The following KMT2C variants were observed in gnomAD, a reference collection of about 807,000 sequenced individuals.
The protein encoded by KMT2C is lysine methyltransferase 2C.
KMT2C carries 88 observed loss-of-function variants against 507.9 expected under a neutral mutation model. That is an observed-to-expected ratio of 0.17 (90% confidence interval 0.15 to 0.21). The LOEUF (loss-of-function observed/expected upper bound fraction) is 0.21. Among genes scored for constraint, KMT2C ranks in the 10% least tolerant of loss-of-function variants. KMT2C has a pLI of 1.00. For missense variants in KMT2C, 4,954 were observed against 5,957.8 expected (o/e 0.83, Z 5.55); for synonymous variants, 2,049 against 2,080.8 (o/e 0.98, Z 0.42).
intron 1 of KMT2C, among the ~76,000 whole-genome samples, chr7:152,398,099 A>G (rs2097548119): frequency 6.6e-6 from 1 of 152,176 alleles, no homozygotes; most frequent in Non-Finnish European, 1.5e-5. Flanking sequence ...CATACCATTA[A>G]CAGACACACT....
intron 1 of KMT2C, among the ~76,000 whole-genome samples, chr7:152,359,664 A>AG (rs34699419): frequency 0.049 from 7,448 of 152,088 alleles, 306 homozygotes; most frequent in African/African-American, 0.1. Context: ...TTCCAGCTAA[A>AG]GAAAAAAAAC....
rs1018375752 is a variant in KMT2C, at chr7:152,311,820, G to T, written c.717C>A (p.Ile239=). 41 of 1,610,402 alleles carry T rather than the reference G, an allele frequency of 2.5e-5. No homozygotes were observed. The highest frequency in any genetic ancestry group is 3.5e-5 in the Non-Finnish European group (41 of 1,177,486). The change falls in exon 5 of 59, where the codon ATC becomes ATA. Residue 239 remains isoleucine, a synonymous_variant. Coordinates refer to ENST00000262189, the MANE Select transcript of KMT2C (RefSeq NM_170606.3). ...SLVGLPDAID[I]QALFDSTGTC... is the part of the protein sequence containing the mutation. ...TACCTGTAGAATCAAATAAGGCTTG[G>T]ATATCAATGGCATCTGGAAGCCCAA...
chr7:152,154,286 A>T lies in KMT2C; in HGVS notation c.12120T>A (p.Leu4040=). ...TCTTACTTTTCCCAGCAGTGCTAGG[A>T]AGAATTGGAATGATGGGGGACGGCA... is the stretch of plus-strand genomic sequence containing the variant. The part of the protein sequence containing the change: ...EPVPSPIIPI[L]PSTAGKSSES... Residue 4040 remains leucine, a synonymous_variant, in exon 47 of 59, where the codon CTT becomes CTA. Coordinates refer to ENST00000262189, the MANE Select transcript of KMT2C (RefSeq NM_170606.3). 1 of 1,614,252 alleles carries T rather than the reference A, an allele frequency of 6.2e-7. No individual in the cohort carries two copies. The highest frequency in any genetic ancestry group is 8.5e-7 in the Non-Finnish European group (1 of 1,180,038).
In KMT2C at chr7:152,156,261, C is replaced by CGGT; in HGVS notation, c.11755_11756insACC (p.Gly3919delinsAspArg). On this transcript the variant is annotated protein_altering_variant, in exon 45 of 59. Coordinates refer to ENST00000262189, the MANE Select transcript of KMT2C (RefSeq NM_170606.3). ...AGCAAGTTCTTCAGTTGTTGCAAAA[C>CGGT]CATTGGCCATCTTCTGACAAGCCAT... 6.2e-7 allele frequency: 1 copy of CGGT among 1,614,144 alleles called. No homozygotes were observed. Among genetic ancestry groups the CGGT allele is most frequent in the Non-Finnish European group, 8.5e-7 (1 of 1,180,020 alleles).
intron 1 of KMT2C, among the ~76,000 whole-genome samples, chr7:152,432,701 CA>C (rs1590025278): frequency 6.6e-6 from 1 of 152,010 alleles, no homozygotes; most frequent in Non-Finnish European, 1.5e-5. Flanking sequence ...TTATTCATGA[CA>C]AAATACACAA....
intron 40 of KMT2C, among the ~76,000 whole-genome samples, chr7:152,170,193 T>TA (rs1011974385): frequency 1.2e-4 from 18 of 152,312 alleles, no homozygotes; most frequent in African/African-American, 4.1e-4. Flanking sequence ...ATAATTTCTT[T>TA]AAAAAAACTC....
At chr7:152,329,104 G>A (rs1338548099) in intron 3 of KMT2C, among the ~76,000 whole-genome samples, 2 of 152,078 alleles carry the variant, frequency 1.3e-5, no homozygotes, top group African/African-American at 2.4e-5. Context: ...TAGAATGAAT[G>A]AGCTTTCTTT....
At chr7:152,325,161 CTTTTT>C (rs1163410868) in intron 3 of KMT2C, among the ~76,000 whole-genome samples, 1 of 151,556 alleles carries the variant, frequency 6.6e-6, no homozygotes, top group Non-Finnish European at 1.5e-5. Flanking sequence ...CTTTTCTTTT[CTTTTT>C]TTGAGATGCA....
chr7:152,244,036 C>T (rs113490314), intron 14 of KMT2C, among the ~76,000 whole-genome samples: 1 of 152,112 alleles, frequency 6.6e-6, no homozygotes, highest in African/African-American at 2.4e-5. Context: ...GGGAATACAA[C>T]TGTGCAATGA....
intron 1 of KMT2C, among the ~76,000 whole-genome samples, chr7:152,398,593 G>A (rs1005387396): frequency 6.6e-6 from 1 of 151,986 alleles, no homozygotes; most frequent in Admixed American, 6.6e-5. Flanking sequence ...GTCACCCAGT[G>A]AAACACATGT....
At position 152,162,188 on chromosome 7, in the gene KMT2C, T is replaced by C. The variant is rs1355891076; in HGVS notation, c.11389A>G (p.Ser3797Gly). 1 of 1,612,788 alleles carries C rather than the reference T, an allele frequency of 6.2e-7. No homozygotes were observed. The highest frequency in any genetic ancestry group is 8.5e-7 in the Non-Finnish European group (1 of 1,179,596). ...GTACAGTCATCTTCTGAACAAATAC[T>C]GCCCTCAGGTTTTTGATTCAAAAGA... ...SSLLNQKPEGSICSEDDCTKD... is the reference protein window; with the variant it reads ...SSLLNQKPEGGICSEDDCTKD... Residue 3797 changes from serine to glycine, a missense_variant, in exon 43 of 59, where the codon AGT becomes GGT. Physicochemically the swap from Ser to Gly is moderately conservative, Grantham distance 56 (BLOSUM62 0). Coordinates refer to ENST00000262189, the MANE Select transcript of KMT2C (RefSeq NM_170606.3).
rs2093655653 is a variant in KMT2C, at chr7:152,187,266, G to C, written c.5004C>G (p.Phe1668Leu). The C allele has an allele frequency of 6.2e-7, 1 of 1,611,774 alleles. No homozygotes were observed. Among genetic ancestry groups the C allele is most frequent in the Non-Finnish European group, 8.5e-7 (1 of 1,177,888 alleles). The change falls in exon 33 of 59, where the codon TTC becomes TTG. Residue 1668 changes from phenylalanine (F) to leucine (L), a missense_variant. Around this residue, in one of 29 missense-constraint regions of KMT2C, gnomAD observed 24 missense variants for 52.9 expected, o/e 0.45. Transcript: ENST00000262189. The stretch of plus-strand genomic sequence containing the variant: ...AATAATATATTCATGGCTTACCAGG[G>C]AATTCTTCCTTTAAGTTGGGGAAAT... ...NINFPNLKEEFPDWTTRVKQI... is the reference protein window; with the variant it reads ...NINFPNLKEELPDWTTRVKQI...
In KMT2C at chr7:152,199,188, G is replaced by A. The variant is rs184354749; in HGVS notation, c.4273+91C>T. 17 of 1,056,354 alleles carry A rather than the reference G, an allele frequency of 1.6e-5. 2 individuals carry two copies. In the African/African-American group the frequency reaches 2.4e-4, roughly 15 times the overall value. The allele number at this position is 1,056,354 out of a possible 1,614,324, so 65.4% of individuals were successfully genotyped here. On this transcript the variant is annotated intron_variant, in intron 27 of 58. Transcript: ENST00000262189. ...CTGTTGATTTTTAAAATGCATATGA[G>A]GCCAAACAAAAACATTTCAAAAAGA...
At chr7:152,250,003 C>T in intron 12 of KMT2C, 50 bp from the exon 13 acceptor site, 1 of 1,072,982 alleles carries the variant, frequency 9.3e-7, no homozygotes, top group Non-Finnish European at 1.4e-6. Flanking sequence ...ATTTCTGTAA[C>T]ACTGTTCCCT....
Position 152,136,380 on chromosome 7 carries a change from G to A in KMT2C, c.*452C>T, listed in dbSNP as rs780026280. ...GCCTGCCCCTTTTTAATAAGGCCGTGGCCAGCACTCTCTGTCCCCCTCGCT... is the reference window on the plus strand; with the variant it reads ...GCCTGCCCCTTTTTAATAAGGCCGTAGCCAGCACTCTCTGTCCCCCTCGCT... On this transcript the variant is annotated 3_prime_UTR_variant, in exon 59 of 59. Coordinates refer to ENST00000262189, the MANE Select transcript of KMT2C (RefSeq NM_170606.3). 25 of 228,682 alleles carry A rather than the reference G, an allele frequency of 1.1e-4. No individual in the cohort carries two copies. The allele number at this position is 228,682 out of a possible 1,614,324, so 14.2% of individuals were successfully genotyped here. A position where few individuals can be genotyped will look rare whatever the true frequency, so the allele number is the denominator to read the frequency against.
chr7:152,223,959 T>C (rs2094853355), intron 20 of KMT2C, 56 bp downstream of exon 20: 8 of 1,256,266 alleles, frequency 6.4e-6, no homozygotes, highest in Non-Finnish European at 8.9e-6. Flanking sequence ...TTTGTTTTTT[T>C]TTTTGCTACA....
At chr7:152,363,236 C>A (rs890970944) in intron 1 of KMT2C, among the ~76,000 whole-genome samples, 1 of 152,100 alleles carries the variant, frequency 6.6e-6, no homozygotes, top group African/African-American at 2.4e-5. Context: ...TTATTTTAAC[C>A]CTTCTTTGGG....
chr7:152,157,909 G>A, intron 44 of KMT2C: 3 of 1,335,484 alleles, frequency 2.2e-6, no homozygotes, highest in Non-Finnish European at 3.0e-6. Context: ...TTCCATTAGA[G>A]GGAGCAGAGA....
At chr7:152,241,474 G>C (rs1408552114) in intron 14 of KMT2C, among the ~76,000 whole-genome samples, 1 of 152,302 alleles carries the variant, frequency 6.6e-6, no homozygotes, top group Non-Finnish European at 1.5e-5. Flanking sequence ...ACAGACGTGA[G>C]CCACCACGGC....
Sources: allele counts gnomAD v4.1 joint callset (sites outside exome capture counted in the v4.1 genomes callset), GRCh38; gene constraint gnomAD v4.1.1; regional missense constraint gnomAD v4.1.1; transcripts MANE v1.5; gene names NCBI Gene and HGNC (gene_info 2026-07-23, HGNC 2026-07-21).